Variants in OTUD7A observed in about 807,000 individuals in gnomAD.
OTUD7A encodes the protein OTU domain-containing protein 7A.
OTUD7A carries 12 observed loss-of-function variants against 65.7 expected under a neutral mutation model. The ratio of observed to expected loss-of-function variants is 0.18; its 90% confidence interval spans 0.12 to 0.30. The LOEUF (loss-of-function observed/expected upper bound fraction) is 0.30. Ranked by LOEUF, OTUD7A falls within the 10% of genes least tolerant of loss-of-function variation. OTUD7A has a pLI of 1.00. For missense variants in OTUD7A, 1,148 were observed against 1,304.8 expected (o/e 0.88, Z 1.85); for synonymous variants, 641 against 586.3 (o/e 1.09, Z -1.35).
intron 5 of OTUD7A, among the ~76,000 whole-genome samples, chr15:31,536,348 G>A (rs1409955255): frequency 6.6e-6 from 1 of 152,204 alleles, no homozygotes; most frequent in African/African-American, 2.4e-5. Flanking sequence ...AAGCTTATGA[G>A]TGGTTGTATC....
At chr15:31,742,377 C>G (rs1247675720) in intron 1 of OTUD7A, among the ~76,000 whole-genome samples, 1 of 151,992 alleles carries the variant, frequency 6.6e-6, no homozygotes, top group Non-Finnish European at 1.5e-5. Flanking sequence ...ATATTTGCCA[C>G]ATCAACAGAT....
In OTUD7A at chr15:31,487,670, G is replaced by A; in HGVS notation, c.1172-104C>T. ...TATCTGGGTGACAAATGCACCGAGT[G>A]GACATCTACACAGATCTGTGCCAGC... On this transcript the variant is annotated intron_variant, in intron 10 of 12. Coordinates refer to ENST00000307050, the MANE Select transcript of OTUD7A (RefSeq NM_001382637.1). This position sits in a 1 kb window ranked among gnomAD's most constrained non-coding sequence, Gnocchi z 6.0. The A allele has an allele frequency of 1.4e-6, 1 of 726,900 alleles. No homozygotes were observed. The highest frequency in any genetic ancestry group is 3.1e-5 in the East Asian group (1 of 31,872). The allele number at this position is 726,900 out of a possible 1,614,324, so 45.0% of individuals were successfully genotyped here. A position where few individuals can be genotyped will look rare whatever the true frequency, so the allele number is the denominator to read the frequency against.
chr15:31,751,287 T>C (rs948230936), intron 1 of OTUD7A, among the ~76,000 whole-genome samples: 1 of 150,358 alleles, frequency 6.7e-6, no homozygotes, highest in African/African-American at 2.5e-5. Context: ...AAAAGAGACA[T>C]ATGAGTGGCC....
At chr15:31,662,180 T>C (rs1290085067) in intron 1 of OTUD7A, among the ~76,000 whole-genome samples, 15 of 152,244 alleles carry the variant, frequency 9.9e-5, no homozygotes, top group Admixed American at 9.8e-4. Flanking sequence ...AGGGGTTGCG[T>C]ATACTGGCAG....
intron 1 of OTUD7A, among the ~76,000 whole-genome samples, chr15:31,850,078 T>A (rs1897383254): frequency 1.3e-5 from 2 of 152,172 alleles, no homozygotes; most frequent in East Asian, 3.8e-4. Context: ...CCCAAAGGAT[T>A]ATAAATCATG....
Position 31,742,967 on chromosome 15 carries a change from C to A in OTUD7A, c.-99-85890G>T, listed in dbSNP as rs80015273. The stretch of plus-strand genomic sequence containing the variant: ...TCAAAATATATAAAGCAAAATATGA[C>A]AAGACTAAAAGGAAATATAGACAAA... On this transcript the variant is annotated intron_variant, in intron 1 of 12. Transcript: ENST00000307050. Among the ~76,000 whole-genome samples the A allele has an allele frequency of 5.2e-3, 793 of 152,008 alleles. 5 individuals are homozygous for A. Among genetic ancestry groups the A allele is most frequent in the Non-Finnish European group, 8.7e-3 (590 of 67,924 alleles).
At chr15:31,865,031 C>A (rs951161151) in intron 1 of OTUD7A, among the ~76,000 whole-genome samples, 13 of 99,402 alleles carry the variant, frequency 1.3e-4, no homozygotes, top group Non-Finnish European at 2.4e-5. Flanking sequence ...TGTGGCCCCC[C>A]CCTGGGGTTG....
At chr15:31,601,145 G>A (rs1474711525) in intron 3 of OTUD7A, among the ~76,000 whole-genome samples, 3 of 151,982 alleles carry the variant, frequency 2.0e-5, no homozygotes, top group South Asian at 2.1e-4. Flanking sequence ...ACCCCAAATC[G>A]ACAGAATATA....
chr15:31,488,185 G>A (rs1195806834), intron 10 of OTUD7A, among the ~76,000 whole-genome samples: 1 of 152,210 alleles, frequency 6.6e-6, no homozygotes, highest in African/African-American at 2.4e-5. Flanking sequence ...GGCAGTGATG[G>A]TGAAGCCTTT....
chr15:31,719,562 C>T (rs1893679292), intron 1 of OTUD7A, among the ~76,000 whole-genome samples: 1 of 152,176 alleles, frequency 6.6e-6, no homozygotes, highest in Non-Finnish European at 1.5e-5. Context: ...GGCACTGTTC[C>T]TCTGCTACTA....
chr15:31,626,732 T>C (rs556062732), intron 3 of OTUD7A, among the ~76,000 whole-genome samples: 1 of 152,160 alleles, frequency 6.6e-6, no homozygotes, highest in East Asian at 1.9e-4. Flanking sequence ...TGTGCCACCA[T>C]ACCTGGTTAA....
intron 3 of OTUD7A, among the ~76,000 whole-genome samples, chr15:31,596,408 T>C (rs1204025809): frequency 6.6e-6 from 1 of 152,210 alleles, no homozygotes; most frequent in African/African-American, 2.4e-5. Flanking sequence ...GTGCGTTACT[T>C]CTAGGTTTGT....
At position 31,501,956 on chromosome 15, in the gene OTUD7A, C is replaced by A. The variant is rs1365202313; in HGVS notation, c.1022-117G>T. 5.9e-6 allele frequency: 7 copies of A among 1,188,006 alleles called. No individual in the cohort carries two copies. In the East Asian group the frequency reaches 1.7e-4, roughly 29 times the overall value. The allele number at this position is 1,188,006 out of a possible 1,614,324, so 73.6% of individuals were successfully genotyped here. ...GGGACTCCGTGGAGAAGCGGAGGGACAGGAGGGGTGGATGGAGGCGGTGCT... is the reference window on the plus strand; with the variant it reads ...GGGACTCCGTGGAGAAGCGGAGGGAAAGGAGGGGTGGATGGAGGCGGTGCT... On this transcript the variant is annotated intron_variant, in intron 9 of 12. Transcript: ENST00000307050.
intron 5 of OTUD7A, among the ~76,000 whole-genome samples, chr15:31,533,907 G>A (rs1887712335): frequency 6.6e-6 from 1 of 152,090 alleles, no homozygotes; most frequent in Admixed American, 6.5e-5. Context: ...AGAGAATAAA[G>A]AAGCAAAAAG....
At chr15:31,512,670 G>A (rs1456587685) in intron 8 of OTUD7A, among the ~76,000 whole-genome samples, 2 of 152,200 alleles carry the variant, frequency 1.3e-5, no homozygotes, top group Non-Finnish European at 2.9e-5. Flanking sequence ...AAATGCAGAG[G>A]AGAATAAAGG....
At chr15:31,787,052 A>C (rs1418597567) in intron 1 of OTUD7A, among the ~76,000 whole-genome samples, 1 of 152,224 alleles carries the variant, frequency 6.6e-6, no homozygotes, top group Admixed American at 6.5e-5. Flanking sequence ...ATCAAACAAC[A>C]TGGCATACAT....
At chr15:31,663,985 A>G (rs1162086668) in intron 1 of OTUD7A, among the ~76,000 whole-genome samples, 1 of 152,164 alleles carries the variant, frequency 6.6e-6, no homozygotes, top group Non-Finnish European at 1.5e-5. Flanking sequence ...CATCCAGGTC[A>G]CTGCAAATGA....
At chr15:31,867,951 A>C (rs538596567) in intron 1 of OTUD7A, among the ~76,000 whole-genome samples, 1 of 152,150 alleles carries the variant, frequency 6.6e-6, no homozygotes, top group Non-Finnish European at 1.5e-5. Context: ...GCGCACACAC[A>C]TGCACCCACC....
rs185676042 is a variant in OTUD7A at position 31,498,393 on chromosome 15, T to A, written c.1171+3297A>T. Among the ~76,000 whole-genome samples the A allele has an allele frequency of 1.9e-3, 289 of 152,314 alleles. 1 individual carries two copies. The highest frequency in any genetic ancestry group is 6.6e-3 in the African/African-American group (275 of 41,558). On this transcript the variant is annotated intron_variant, in intron 10 of 12. Transcript: ENST00000307050. This position sits in a 1 kb window ranked among gnomAD's most constrained non-coding sequence, Gnocchi z 4.2. ...AACACAGGTAACATTATCCATGAAT[T>A]TCATTTCAGGGTAATGAAGAGTACA... is the stretch of plus-strand genomic sequence containing the variant.
Sources: allele counts gnomAD v4.1 joint callset (sites outside exome capture counted in the v4.1 genomes callset), GRCh38; gene constraint gnomAD v4.1.1; non-coding constraint Gnocchi (gnomAD v3.1); transcripts MANE v1.5; gene names NCBI Gene and HGNC (gene_info 2026-07-23, HGNC 2026-07-21).